MANEA: variants seen among roughly 807,000 people sequenced by gnomAD.
The protein encoded by MANEA is mannosidase endo-alpha, also known as glycoprotein endo-alpha-1,2-mannosidase.
A neutral mutation model predicts 36.8 loss-of-function variants in MANEA; 25 were observed. The ratio of observed to expected loss-of-function variants is 0.68; its 90% confidence interval spans 0.50 to 0.95. MANEA has a LOEUF of 0.95. Ranked by LOEUF, MANEA falls within the 40% of genes least tolerant of loss-of-function variation. MANEA has a pLI of 0.00. For missense variants in MANEA, 565 were observed against 558.8 expected, an observed-to-expected ratio of 1.01 and a Z score of -0.11; for synonymous variants, 198 against 188.5, an observed-to-expected ratio of 1.05 and a Z score of -0.41.
chr6:95,600,819 T>C (rs1769574562), intron 3 of MANEA, among the ~76,000 whole-genome samples: 1 of 152,244 alleles, frequency 6.6e-6, no homozygotes, highest in Non-Finnish European at 1.5e-5. Context: ...TTTTAGGGAA[T>C]GAATCCGTCT....
At chr6:95,602,687 G>T (rs1457719025) in intron 3 of MANEA, among the ~76,000 whole-genome samples, 1 of 151,894 alleles carries the variant, frequency 6.6e-6, no homozygotes, top group Non-Finnish European at 1.5e-5. Flanking sequence ...TTTCCAAATG[G>T]AATAGAGAGA....
At chr6:95,605,111 T>C (rs76781147) in intron 4 of MANEA, among the ~76,000 whole-genome samples, 3,626 of 152,182 alleles carry the variant, frequency 0.024, 70 homozygotes, top group Non-Finnish European at 0.04. Flanking sequence ...TTTGGAAGAT[T>C]GCTGTTTTTA....
At position 95,607,159 on chromosome 6, in the gene MANEA, G is replaced by A. The variant is rs1769732500; in HGVS notation, c.*754G>A. ...TTTAGTGTTTCTGCTTTACAGTGCTGAATTCCATATTTTAGAAGCTATGAA... is the reference window on the plus strand; with the variant it reads ...TTTAGTGTTTCTGCTTTACAGTGCTAAATTCCATATTTTAGAAGCTATGAA... On this transcript the variant is annotated 3_prime_UTR_variant, in exon 5 of 5. Transcript: ENST00000358812. 6.6e-6 allele frequency: 1 copy of A among 152,030 alleles called. No individual in the cohort carries two copies. Among genetic ancestry groups the A allele is most frequent in the South Asian group, 2.1e-4 (1 of 4,828 alleles). 9.4% of individuals were successfully genotyped at this position (152,030 alleles called of 1,614,324 possible). A position where few individuals can be genotyped will look rare whatever the true frequency, so the allele number is the denominator to read the frequency against.
At position 95,606,303 on chromosome 6, in the gene MANEA, T is replaced by C. The variant is rs1463753615; in HGVS notation, c.1287T>C (p.Pro429=). The change falls in exon 5 of 5, where the codon CCT becomes CCC. Residue 429 remains proline, a synonymous_variant. Transcript: ENST00000358812. ...ATACAGTGTACCTAGATTACCGTCCTCATAAACCAGGTCTTTACCTAGAAC... is the reference window on the plus strand; with the variant it reads ...ATACAGTGTACCTAGATTACCGTCCCCATAAACCAGGTCTTTACCTAGAAC... ...TSNTVYLDYR[P]HKPGLYLELT... The C allele has an allele frequency of 1.9e-6, 3 of 1,612,462 alleles. No homozygotes were observed. Among genetic ancestry groups the C allele is most frequent in the Non-Finnish European group, 2.5e-6 (3 of 1,179,866 alleles).
At chr6:95,601,407 G>A (rs1582229299) in intron 3 of MANEA, among the ~76,000 whole-genome samples, 2 of 152,260 alleles carry the variant, frequency 1.3e-5, no homozygotes, top group South Asian at 2.1e-4. Flanking sequence ...CTTATGGCTT[G>A]CTTTGGCTGA....
rs981845397 is a variant in MANEA, at chr6:95,607,846, A to G, written c.*1441A>G. ...AAGAGCAATAGAATAATGCTAAAAAATAATGCCTATAAATCTTCAGAGTAT... is the reference window on the plus strand; with the variant it reads ...AAGAGCAATAGAATAATGCTAAAAAGTAATGCCTATAAATCTTCAGAGTAT... On this transcript the variant is annotated 3_prime_UTR_variant, in exon 5 of 5. Transcript: ENST00000358812. The G allele has an allele frequency of 6.6e-6, 1 of 151,758 alleles. No individual in the cohort carries two copies. Among genetic ancestry groups the G allele is most frequent in the Non-Finnish European group, 1.5e-5 (1 of 67,760 alleles). The allele number at this position is 151,758 out of a possible 1,614,324, so 9.4% of individuals were successfully genotyped here.
At position 95,608,659 on chromosome 6, in the gene MANEA, T is replaced by A. The variant is rs1027797498; in HGVS notation, c.*2254T>A. On this transcript the variant is annotated 3_prime_UTR_variant, in exon 5 of 5. Coordinates refer to ENST00000358812, the MANE Select transcript of MANEA (RefSeq NM_024641.4). ...TTAATATAGTTTTTTTCTCCCTTTT[T>A]AATAAAATAATTACAGTCATCCCTC... The A allele has an allele frequency of 4.6e-5, 7 of 151,924 alleles. No homozygotes were observed. The highest frequency in any genetic ancestry group is 4.6e-4 in the Admixed American group (7 of 15,256). 9.4% of individuals were successfully genotyped at this position (151,924 alleles called of 1,614,324 possible). A position where few individuals can be genotyped will look rare whatever the true frequency, so the allele number is the denominator to read the frequency against.
In MANEA at chr6:95,607,782, C is replaced by A. The variant is rs1375493225; in HGVS notation, c.*1377C>A. Reference sequence around the variant, plus strand: ...ACTATAGTAAAAAATTAATATATATCCTATTACATAAATGTTATTTCTTAG... The same window carrying A: ...ACTATAGTAAAAAATTAATATATATACTATTACATAAATGTTATTTCTTAG... On this transcript the variant is annotated 3_prime_UTR_variant, in exon 5 of 5. Coordinates refer to ENST00000358812, the MANE Select transcript of MANEA (RefSeq NM_024641.4). 1 of 151,314 alleles carries A rather than the reference C, an allele frequency of 6.6e-6. No homozygotes were observed. The highest frequency in any genetic ancestry group is 1.5e-5 in the Non-Finnish European group (1 of 67,622). 9.4% of individuals were successfully genotyped at this position (151,314 alleles called of 1,614,324 possible).
At chr6:95,583,771 T>C (rs1271610389) in intron 1 of MANEA, among the ~76,000 whole-genome samples, 1 of 152,190 alleles carries the variant, frequency 6.6e-6, no homozygotes, top group Non-Finnish European at 1.5e-5. Context: ...TTACTTTATA[T>C]GTTTTAAACT....
chr6:95,594,252 G>A (rs1463982028), intron 2 of MANEA, among the ~76,000 whole-genome samples: 1 of 152,130 alleles, frequency 6.6e-6, no homozygotes, highest in Non-Finnish European at 1.5e-5. Flanking sequence ...TATCCTGAAA[G>A]GTAAGAATAA....
rs1366948887 is a variant in MANEA, at chr6:95,609,127, A to G, written c.*2722A>G. On this transcript the variant is annotated 3_prime_UTR_variant, in exon 5 of 5. Transcript: ENST00000358812. ...TGATAACAAGTAAATAAGAGCAAAGAATGTATTTCTTAATTCAAAACTATA... is the reference window on the plus strand; with the variant it reads ...TGATAACAAGTAAATAAGAGCAAAGGATGTATTTCTTAATTCAAAACTATA... 6.6e-6 allele frequency: 1 copy of G among 151,822 alleles called. No individual in the cohort carries two copies. The allele number at this position is 151,822 out of a possible 1,614,324, so 9.4% of individuals were successfully genotyped here.
At chr6:95,605,565 C>T (rs553555084) in intron 4 of MANEA, among the ~76,000 whole-genome samples, 183 bp from the exon 5 acceptor site, 2 of 152,276 alleles carry the variant, frequency 1.3e-5, no homozygotes, top group African/African-American at 4.8e-5. Context: ...TCCAGTATCT[C>T]ATTTTCTAAT....
At chr6:95,590,882 A>G (rs762246586) in intron 2 of MANEA, among the ~76,000 whole-genome samples, 1 of 152,240 alleles carries the variant, frequency 6.6e-6, no homozygotes, top group African/African-American at 2.4e-5. Flanking sequence ...GTATTTTACT[A>G]TCATTGCTGT....
rs1430185817 is a variant in MANEA at position 95,606,117 on chromosome 6, A to G, written c.1101A>G (p.Pro367=). 3.7e-6 allele frequency: 6 copies of G among 1,614,060 alleles called. No individual in the cohort carries two copies. Among genetic ancestry groups the G allele is most frequent in the East Asian group, 4.5e-5 (2 of 44,870 alleles). Residue 367 remains proline (P), a synonymous_variant, in exon 5 of 5, where the codon CCA becomes CCG. Coordinates refer to ENST00000358812, the MANE Select transcript of MANEA (RefSeq NM_024641.4). ...GATACATAGATACCAGCATCCGTCC[A>G]TGGAACACGCAAAACACTCGGAACC... ...GPGYIDTSIR[P]WNTQNTRNRI...
At chr6:95,604,995 A>C (rs530960066) in intron 4 of MANEA, 92 bp downstream of exon 4, 8 of 460,712 alleles carry the variant, frequency 1.7e-5, no homozygotes, top group African/African-American at 1.2e-4. Flanking sequence ...TTGAGATTTG[A>C]ATGATTTATG....
intron 3 of MANEA, among the ~76,000 whole-genome samples, chr6:95,604,056 A>AGGGGTGTGTGTGTGTG (rs1318756717): frequency 1.7e-5 from 1 of 58,536 alleles, no homozygotes; most frequent in African/African-American, 5.5e-5. Flanking sequence ...GTATATATGT[A>AGGGGTGTGTGTGTGTG]TGTAGGTGTG....
At chr6:95,585,921 G>A (rs1769271191) in intron 1 of MANEA, among the ~76,000 whole-genome samples, 1 of 152,080 alleles carries the variant, frequency 6.6e-6, no homozygotes, top group South Asian at 2.1e-4. Flanking sequence ...CTAGCAATGT[G>A]GGAGGCTGAG....
chr6:95,586,960 G>T lies in MANEA; in HGVS notation c.521G>T (p.Arg174Ile), dbSNP rs761177302. ...CCTTCTGTCATAGAAACTCACATGA[G>T]ACAAATGCGCTCAGCTTCAATTGGT... ...RDPSVIETHM[R>I]QMRSASIGVL... is the part of the protein sequence containing the mutation. The change falls in exon 2 of 5, where the codon AGA becomes ATA. Residue 174 changes from arginine to isoleucine, a missense_variant. By Grantham distance (97) the Arg-to-Ile change is moderately conservative (BLOSUM62 -3). Coordinates refer to ENST00000358812, the MANE Select transcript of MANEA (RefSeq NM_024641.4). The T allele has an allele frequency of 6.2e-7, 1 of 1,608,418 alleles. No homozygotes were observed. The highest frequency in any genetic ancestry group is 8.5e-7 in the Non-Finnish European group (1 of 1,175,882).
At chr6:95,602,162 T>G (rs1409078403) in intron 3 of MANEA, among the ~76,000 whole-genome samples, 1 of 152,244 alleles carries the variant, frequency 6.6e-6, no homozygotes, top group Non-Finnish European at 1.5e-5. Context: ...TGTTTTTGCA[T>G]GCAAATCATT....
Sources: allele counts gnomAD v4.1 joint callset (sites outside exome capture counted in the v4.1 genomes callset), GRCh38; gene constraint gnomAD v4.1.1; transcripts MANE v1.5; gene names NCBI Gene and HGNC (gene_info 2026-07-23, HGNC 2026-07-21).